Variants in PACSIN2 observed in about 807,000 individuals in gnomAD.
PACSIN2 encodes protein kinase C and casein kinase substrate in neurons protein 2.
PACSIN2 carries 25 observed loss-of-function variants against 63.8 expected under a neutral mutation model. The observed-to-expected ratio is 0.39, with a 90% CI of 0.29 to 0.55. The LOEUF is 0.55. PACSIN2 is among the 20% of genes least tolerant of loss of function. The probability of loss-of-function intolerance (pLI) is 0.62; values close to 1 mark genes in which losing one functional copy is unlikely to be tolerated. For synonymous variants in PACSIN2, 255 were observed against 256.2 expected, an observed-to-expected ratio of 1.00 and a Z score of 0.05; for missense variants, 518 against 646.9, an observed-to-expected ratio of 0.80 and a Z score of 2.16.
At chr22:43,014,229 T>C (rs5759094) in intron 1 of PACSIN2, among the ~76,000 whole-genome samples, 92,971 of 151,192 alleles carry the variant, frequency 0.61, 29,258 homozygotes, top group East Asian at 0.81. Context: ...GGGGAAACTC[T>C]GAGGAGGGTC....
intron 2 of PACSIN2, among the ~76,000 whole-genome samples, chr22:42,903,322 C>T (rs187662597): frequency 2.6e-5 from 4 of 152,346 alleles, no homozygotes; most frequent in African/African-American, 9.6e-5. Context: ...CCCATGGTGA[C>T]AGCTTCAGGC....
chr22:42,870,545 T>G lies in PACSIN2; in HGVS notation c.*812A>C, dbSNP rs145430465. On this transcript the variant is annotated 3_prime_UTR_variant, in exon 11 of 11. Coordinates refer to ENST00000263246, the MANE Select transcript of PACSIN2 (RefSeq NM_001184970.3). ...TTACAGATGCATTTGCTTGAAAAGT[T>G]AGTCTTCTTTTTAACTCTGAATCAG... 6.6e-6 allele frequency: 1 copy of G among 152,352 alleles called. No homozygotes were observed. Among genetic ancestry groups the G allele is most frequent in the East Asian group, 1.9e-4 (1 of 5,194 alleles). 9.4% of individuals were successfully genotyped at this position (152,352 alleles called of 1,614,324 possible). A position where few individuals can be genotyped will look rare whatever the true frequency, so the allele number is the denominator to read the frequency against.
At chr22:42,882,390 G>A (rs1929149269) in intron 6 of PACSIN2, 86 bp from the exon 7 acceptor site, 6 of 1,446,850 alleles carry the variant, frequency 4.1e-6, no homozygotes, top group East Asian at 2.3e-5. Flanking sequence ...AGCAGGTCCC[G>A]TGGTCTCTGC....
chr22:42,911,634 C>G (rs762067155), intron 2 of PACSIN2, among the ~76,000 whole-genome samples: 1 of 152,168 alleles, frequency 6.6e-6, no homozygotes, highest in African/African-American at 2.4e-5. Flanking sequence ...AAATCACAGC[C>G]CTCCTTGTTT....
intron 1 of PACSIN2, among the ~76,000 whole-genome samples, chr22:43,012,891 T>C (rs1924596309): frequency 6.6e-6 from 1 of 152,126 alleles, no homozygotes. Flanking sequence ...CGACCTCTGG[T>C]GATCCGCCCG....
At chr22:42,935,947 CTCACGCCTGTAA>C (rs1191088908) in intron 1 of PACSIN2, among the ~76,000 whole-genome samples, 2 of 152,184 alleles carry the variant, frequency 1.3e-5, no homozygotes, top group Non-Finnish European at 2.9e-5. Flanking sequence ...GGCACGGTGG[CTCACGCCTGTAA>C]TCCCAGCACT....
intron 1 of PACSIN2, among the ~76,000 whole-genome samples, chr22:42,986,981 C>T (rs111784829): frequency 3.3e-5 from 5 of 152,262 alleles, no homozygotes; most frequent in African/African-American, 4.8e-5. Context: ...CATACCTACA[C>T]GCACACATAC....
At chr22:42,990,984 G>A (rs967767125) in intron 1 of PACSIN2, among the ~76,000 whole-genome samples, 26 of 152,058 alleles carry the variant, frequency 1.7e-4, no homozygotes, top group African/African-American at 4.8e-4. Context: ...ACCTCACAAC[G>A]CTGTTGTGAG....
rs578136606 is a variant in PACSIN2, at chr22:42,877,999, G to A, written c.1029-989C>T. 2.6e-5 allele frequency among the ~76,000 whole-genome samples: 4 copies of A among 152,352 alleles called. No individual in the cohort carries two copies. In the South Asian group the frequency reaches 8.3e-4, roughly 32 times the overall value. ...TAACTGCCTCATCCACTTCAGCCTGGCAAGTGGTACTTGACCTAGGCCTGC... is the reference window on the plus strand; with the variant it reads ...TAACTGCCTCATCCACTTCAGCCTGACAAGTGGTACTTGACCTAGGCCTGC... On this transcript the variant is annotated intron_variant, in intron 8 of 10. Transcript: ENST00000263246.
chr22:42,884,024 GAA>G (rs1242188322), intron 6 of PACSIN2, among the ~76,000 whole-genome samples: 3 of 151,736 alleles, frequency 2.0e-5, no homozygotes, highest in Non-Finnish European at 4.4e-5. Context: ...AAAAAGAAAA[GAA>G]AAGATATGCC....
At chr22:42,969,317 A>G (rs1469815802) in intron 1 of PACSIN2, among the ~76,000 whole-genome samples, 1 of 152,254 alleles carries the variant, frequency 6.6e-6, no homozygotes, top group African/African-American at 2.4e-5. Context: ...TGTATTCTAT[A>G]AATGTATTCC....
At chr22:42,999,204 G>A (rs983461903) in intron 1 of PACSIN2, among the ~76,000 whole-genome samples, 3 of 152,176 alleles carry the variant, frequency 2.0e-5, no homozygotes, top group Admixed American at 6.5e-5. Flanking sequence ...AAAAGTGCTC[G>A]CCTCGGCCCC....
At chr22:43,000,450 G>A (rs952071666) in intron 1 of PACSIN2, among the ~76,000 whole-genome samples, 1 of 152,208 alleles carries the variant, frequency 6.6e-6, no homozygotes, top group Non-Finnish European at 1.5e-5. Context: ...TGGAGGGTTT[G>A]GAGGATTGGA....
chr22:42,997,449 C>T (rs1039408373), intron 1 of PACSIN2, among the ~76,000 whole-genome samples: 4 of 151,010 alleles, frequency 2.6e-5, no homozygotes, highest in Non-Finnish European at 4.4e-5. Context: ...TCCCAGCTAC[C>T]TGGGAGGCTG....
chr22:42,942,570 G>A (rs561836432), intron 1 of PACSIN2, among the ~76,000 whole-genome samples: 2 of 152,150 alleles, frequency 1.3e-5, no homozygotes, highest in South Asian at 2.1e-4. Flanking sequence ...GATCCATCTG[G>A]AGTTAAGTTT....
chr22:42,970,569 T>C (rs890137885), intron 1 of PACSIN2, among the ~76,000 whole-genome samples: 9 of 152,206 alleles, frequency 5.9e-5, no homozygotes, highest in Admixed American at 3.3e-4. Flanking sequence ...TCTGCACATA[T>C]AGAATTCTTG....
At chr22:42,887,921 A>G (rs1602186318) in intron 5 of PACSIN2, among the ~76,000 whole-genome samples, 1 of 151,822 alleles carries the variant, frequency 6.6e-6, no homozygotes, top group South Asian at 2.1e-4. Flanking sequence ...CCCTTCTGCC[A>G]CCCCTGGCTC....
In PACSIN2 at chr22:42,918,239, C is replaced by G. The variant is rs1444712964; in HGVS notation, c.-77-6082G>C. 2.0e-5 allele frequency among the ~76,000 whole-genome samples: 3 copies of G among 152,360 alleles called. No homozygotes were observed. In the East Asian group the frequency reaches 5.8e-4, roughly 29 times the overall value. ...TAGGGAGTCCAAGGAGCTAGAAGAG[C>G]TGCCTCATGGCACCATGCAGTGTTC... is the stretch of plus-strand genomic sequence containing the variant. On this transcript the variant is annotated intron_variant, in intron 1 of 10. Transcript: ENST00000263246.
At chr22:42,971,069 T>C (rs1921222355) in intron 1 of PACSIN2, among the ~76,000 whole-genome samples, 1 of 152,174 alleles carries the variant, frequency 6.6e-6, no homozygotes, top group African/African-American at 2.4e-5. Context: ...GGAGGTGGCA[T>C]TACAAACCAC....
Sources: gnomAD v4.1 joint callset for allele counts (sites outside exome capture counted in the v4.1 genomes callset) on GRCh38, gnomAD v4.1.1 for gene constraint, MANE v1.5 for transcripts, NCBI Gene and HGNC (gene_info 2026-07-23, HGNC 2026-07-21) for gene names.